RANBP10: variants seen among roughly 807,000 people sequenced by gnomAD.
RANBP10 encodes RAN binding protein 10.
In RANBP10, 24 loss-of-function variants were observed where a neutral mutation model predicts 72.8. That is an observed-to-expected ratio of 0.33 (90% CI 0.24 to 0.46). The LOEUF (loss-of-function observed/expected upper bound fraction) is 0.46, where lower values mean the gene tolerates loss of function less well. Ranked by LOEUF, RANBP10 falls within the 20% of genes least tolerant of loss-of-function variation. RANBP10 has a pLI of 1.00. For synonymous variants in RANBP10, 310 were observed against 322.3 expected, an observed-to-expected ratio of 0.96 and a Z score of 0.41; for missense variants, 679 against 817.5, an observed-to-expected ratio of 0.83 and a Z score of 2.07.
chr16:67,747,248 T>C (rs931714568), intron 3 of RANBP10, among the ~76,000 whole-genome samples: 2 of 152,228 alleles, frequency 1.3e-5, no homozygotes, highest in African/African-American at 4.8e-5. Context: ...TTAATATCAT[T>C]GTGGTTTTAA....
At chr16:67,788,563 T>C (rs1228753416) in intron 2 of RANBP10, among the ~76,000 whole-genome samples, 4 of 151,650 alleles carry the variant, frequency 2.6e-5, no homozygotes, top group East Asian at 1.9e-4. Flanking sequence ...GCCCTTTTTT[T>C]TGTATTTTTA....
chr16:67,804,873 T>G (rs1194123727), intron 2 of RANBP10, among the ~76,000 whole-genome samples: 2 of 152,116 alleles, frequency 1.3e-5, no homozygotes, highest in African/African-American at 4.8e-5. Flanking sequence ...TTGATCCAAC[T>G]AGTAGTGTTC....
At chr16:67,787,837 GA>G (rs964957689) in intron 2 of RANBP10, among the ~76,000 whole-genome samples, 42 of 149,366 alleles carry the variant, frequency 2.8e-4, no homozygotes, top group Non-Finnish European at 4.0e-4. Context: ...TCTGTCTCTA[GA>G]AAAAAAAAAA....
chr16:67,763,151 G>T (rs1436365066), intron 3 of RANBP10, among the ~76,000 whole-genome samples: 1 of 152,198 alleles, frequency 6.6e-6, no homozygotes, highest in Non-Finnish European at 1.5e-5. Context: ...CTGGGCAGAG[G>T]AGTCAGAGGC....
At chr16:67,803,460 G>GA (rs2082754226) in intron 2 of RANBP10, among the ~76,000 whole-genome samples, 1 of 152,044 alleles carries the variant, frequency 6.6e-6, no homozygotes, top group Non-Finnish European at 1.5e-5. Context: ...AGACCAGCCT[G>GA]ACCAACATGG....
At chr16:67,800,766 C>G (rs1437696378) in intron 2 of RANBP10, among the ~76,000 whole-genome samples, 2 of 152,146 alleles carry the variant, frequency 1.3e-5, no homozygotes, top group Non-Finnish European at 2.9e-5. Flanking sequence ...CTCTCTTATA[C>G]TTGAGGAGTG....
intron 3 of RANBP10, among the ~76,000 whole-genome samples, chr16:67,758,735 C>T (rs1409741589): frequency 6.6e-6 from 1 of 152,232 alleles, no homozygotes; most frequent in Non-Finnish European, 1.5e-5. Flanking sequence ...TTAACTTGCC[C>T]TGAAAAATCC....
In RANBP10 at chr16:67,726,418, G is replaced by A; in HGVS notation, c.*10C>T. The A allele has an allele frequency of 1.2e-6, 2 of 1,612,158 alleles. No individual in the cohort carries two copies. The highest frequency in any genetic ancestry group is 1.7e-6 in the Non-Finnish European group (2 of 1,179,330). On this transcript the variant is annotated 3_prime_UTR_variant, in exon 14 of 14. Coordinates refer to ENST00000317506, the MANE Select transcript of RANBP10 (RefSeq NM_020850.3). ...GTGGAGGGCCAGCCAGAGCCAGCCA[G>A]CACAGTCAGCTAGTGCAAGTAGTCA...
intron 4 of RANBP10, among the ~76,000 whole-genome samples, chr16:67,742,694 C>G (rs1367149726): frequency 1.3e-5 from 2 of 152,152 alleles, no homozygotes; most frequent in Non-Finnish European, 2.9e-5. Flanking sequence ...CTGCCCCCAT[C>G]CGTGAGCAAA....
At chr16:67,796,329 G>C (rs1427938428) in intron 2 of RANBP10, among the ~76,000 whole-genome samples, 1 of 152,068 alleles carries the variant, frequency 6.6e-6, no homozygotes, top group Non-Finnish European at 1.5e-5. Context: ...CAGATACATG[G>C]CTTTATAAAC....
rs145972507 is a variant in RANBP10 at position 67,775,867 on chromosome 16, C to T, written c.348-3781G>A. On this transcript the variant is annotated intron_variant, in intron 2 of 13. Transcript: ENST00000317506. The stretch of plus-strand genomic sequence containing the variant: ...AGATTGCACAAAACAAAAAACTTGC[C>T]GGGCGCGGTGGCTCACACCTGTAAT... Among the ~76,000 whole-genome samples the T allele has an allele frequency of 7.0e-3, 1,056 of 151,496 alleles. 41 individuals are homozygous for T. Among genetic ancestry groups the T allele is most frequent in the Admixed American group, 0.056 (853 of 15,172 alleles).
At chr16:67,755,190 CCCA>C (rs1381845377) in intron 3 of RANBP10, among the ~76,000 whole-genome samples, 1 of 152,174 alleles carries the variant, frequency 6.6e-6, no homozygotes, top group African/African-American at 2.4e-5. Context: ...CCCCTCCAGC[CCCA>C]CCAACTTCTG....
Position 67,727,739 on chromosome 16 carries a change from C to T in RANBP10, c.1620+12G>A, listed in dbSNP as rs1567669860. ...GGGGCCTGCTCTGCATGAGGCCCGG[C>T]TCATCCTGTACCTGCAGCATCTCTG... On this transcript the variant is annotated intron_variant, in intron 12 of 13. Coordinates refer to ENST00000317506, the MANE Select transcript of RANBP10 (RefSeq NM_020850.3). The T allele has an allele frequency of 6.2e-7, 1 of 1,614,126 alleles. No homozygotes were observed. Among genetic ancestry groups the T allele is most frequent in the East Asian group, 2.2e-5 (1 of 44,894 alleles).
At chr16:67,731,702 T>C (rs2053737009) in intron 6 of RANBP10, 118 bp from the exon 7 acceptor site, 2 of 667,190 alleles carry the variant, frequency 3.0e-6, no homozygotes, top group Admixed American at 3.0e-5. Flanking sequence ...CCTGGAGGTG[T>C]AACCTCCACA....
chr16:67,737,959 A>C, intron 5 of RANBP10, 54 bp downstream of exon 5: 2 of 1,550,200 alleles, frequency 1.3e-6, no homozygotes, highest in Non-Finnish European at 1.8e-6. Flanking sequence ...ACCGTGCCCC[A>C]TCCCAGTCAG....
At chr16:67,773,068 T>C (rs902161701) in intron 2 of RANBP10, among the ~76,000 whole-genome samples, 2 of 152,206 alleles carry the variant, frequency 1.3e-5, no homozygotes, top group Non-Finnish European at 2.9e-5. Flanking sequence ...GTTTCGATGT[T>C]TGTCCTCTCC....
intron 2 of RANBP10, among the ~76,000 whole-genome samples, chr16:67,786,733 G>C (rs918062159): frequency 6.6e-6 from 1 of 150,858 alleles, no homozygotes; most frequent in Non-Finnish European, 1.5e-5. Context: ...TTCGAGGACA[G>C]CCTGGCCAAC....
chr16:67,758,142 G>A (rs1270422463), intron 3 of RANBP10, among the ~76,000 whole-genome samples: 1 of 152,214 alleles, frequency 6.6e-6, no homozygotes, highest in Non-Finnish European at 1.5e-5. Flanking sequence ...TGATGGCCAG[G>A]AACGGCCCAG....
At chr16:67,783,576 T>C (rs1055885792) in intron 2 of RANBP10, among the ~76,000 whole-genome samples, 2 of 152,152 alleles carry the variant, frequency 1.3e-5, no homozygotes, top group Non-Finnish European at 2.9e-5. Context: ...AACCCACATA[T>C]CAGGTTCCTT....
Sources: gnomAD v4.1 joint callset for allele counts (sites outside exome capture counted in the v4.1 genomes callset) on GRCh38, gnomAD v4.1.1 for gene constraint, MANE v1.5 for transcripts, NCBI Gene and HGNC (gene_info 2026-07-23, HGNC 2026-07-21) for gene names.